The following NHEJ1 variants were observed in gnomAD, a reference collection of about 807,000 sequenced individuals.
NHEJ1 encodes the protein non-homologous end-joining factor 1.
In NHEJ1, 22 loss-of-function variants were observed where a neutral mutation model predicts 39.4. The ratio of observed to expected loss-of-function variants is 0.56; its 90% CI spans 0.40 to 0.80. The LOEUF is 0.80. Among genes scored for constraint, NHEJ1 ranks in the 30% least tolerant of loss-of-function variants. The pLI, the probability that NHEJ1 is intolerant of heterozygous loss-of-function variation, is 0.00. For missense variants in NHEJ1, 329 were observed against 357.1 expected (o/e 0.92, Z 0.63); for synonymous variants, 154 against 135.6 (o/e 1.14, Z -0.94).
At chr2:219,127,890 AACC>A (rs144865778) in intron 5 of NHEJ1, among the ~76,000 whole-genome samples, 2,535 of 152,332 alleles carry the variant, frequency 0.017, 72 homozygotes, top group African/African-American at 0.058. Flanking sequence ...AGAATCAAAG[AACC>A]TTGGCACTGG....
At chr2:219,151,603 C>T (rs539291125) in intron 3 of NHEJ1, among the ~76,000 whole-genome samples, 1 of 152,212 alleles carries the variant, frequency 6.6e-6, no homozygotes, top group East Asian at 1.9e-4. Flanking sequence ...GTTAGATGAA[C>T]ACCAAAATGA....
intron 3 of NHEJ1, among the ~76,000 whole-genome samples, chr2:219,154,320 T>C (rs1949827911): frequency 6.6e-6 from 1 of 152,192 alleles, no homozygotes; most frequent in Non-Finnish European, 1.5e-5. Context: ...ATATACAGTA[T>C]ATACATATAT....
chr2:219,125,801 C>T (rs1949509713), intron 5 of NHEJ1: 1 of 152,272 alleles, frequency 6.6e-6, no homozygotes, highest in African/African-American at 2.4e-5. Context: ...CAGCCCCCAA[C>T]AGCTAAAGGA....
chr2:219,094,480 G>A (rs914058880), intron 5 of NHEJ1, among the ~76,000 whole-genome samples: 2 of 152,100 alleles, frequency 1.3e-5, no homozygotes, highest in Non-Finnish European at 2.9e-5. Context: ...GATATGATCA[G>A]GCTTGAGGCT....
intron 3 of NHEJ1, among the ~76,000 whole-genome samples, chr2:219,148,294 C>T (rs1949761868): frequency 6.6e-6 from 1 of 152,128 alleles, no homozygotes. Context: ...TGGCTCATGC[C>T]TGTAATCCCA....
In NHEJ1 at chr2:219,159,566, T is replaced by TATGC. The variant is rs1949902383; in HGVS notation, c.-1+1153_-1+1154insGCAT. On this transcript the variant is annotated intron_variant, in intron 1 of 7. Transcript: ENST00000356853. ...ATATATATATGCATATATATATGCA[T>TATGC]ATATATATGCATATATATATGCATA... is the stretch of plus-strand genomic sequence containing the variant. Among the ~76,000 whole-genome samples the TATGC allele has an allele frequency of 1.2e-3, 21 of 17,682 alleles. 1 individual carries two copies. Among genetic ancestry groups the TATGC allele is most frequent in the South Asian group, 8.6e-3 (3 of 348 alleles). The allele number at this position is 17,682 out of a possible 152,430, so 11.6% of individuals were successfully genotyped here.
intron 5 of NHEJ1, among the ~76,000 whole-genome samples, chr2:219,124,232 G>T (rs1409512404): frequency 1.3e-5 from 2 of 152,286 alleles, no homozygotes; most frequent in African/African-American, 4.8e-5. Context: ...GAGGAATAAA[G>T]AATTGATATC....
intron 5 of NHEJ1, among the ~76,000 whole-genome samples, chr2:219,117,255 T>C (rs1302328522): frequency 3.9e-5 from 6 of 152,042 alleles, no homozygotes; most frequent in African/African-American, 1.2e-4. Context: ...CCTTCCACCA[T>C]CATGGAAATC....
chr2:219,160,511 T>C (rs1949922995), intron 1 of NHEJ1: 1 of 152,108 alleles, frequency 6.6e-6, no homozygotes, highest in African/African-American at 2.4e-5. Context: ...AACGAGTACC[T>C]TCACTCGAGC....
At chr2:219,086,162 C>T (rs187044914) in intron 5 of NHEJ1, among the ~76,000 whole-genome samples, 5 of 152,232 alleles carry the variant, frequency 3.3e-5, no homozygotes, top group African/African-American at 4.8e-5. Flanking sequence ...CCACTGTTAC[C>T]CTATCAGTTG....
At chr2:219,159,556 T>C (rs1411526091) in intron 1 of NHEJ1, among the ~76,000 whole-genome samples, 1 of 16,540 alleles carries the variant, frequency 6.0e-5, no homozygotes, top group Non-Finnish European at 2.4e-4. Context: ...TATATGCATA[T>C]ATATATGCAT....
At chr2:219,112,661 G>A (rs1273722318) in intron 5 of NHEJ1, among the ~76,000 whole-genome samples, 1 of 152,160 alleles carries the variant, frequency 6.6e-6, no homozygotes, top group Non-Finnish European at 1.5e-5. Context: ...TATGAAGGAG[G>A]AGAAAGGACT....
At chr2:219,156,464 AC>A (rs1239932467) in intron 3 of NHEJ1, among the ~76,000 whole-genome samples, 1 of 152,218 alleles carries the variant, frequency 6.6e-6, no homozygotes, top group Admixed American at 6.5e-5. Context: ...AGTGCTACTG[AC>A]TAAAACTGTG....
intron 5 of NHEJ1, among the ~76,000 whole-genome samples, chr2:219,120,649 C>T (rs1247222489): frequency 2.0e-5 from 3 of 152,124 alleles, no homozygotes; most frequent in African/African-American, 7.2e-5. Flanking sequence ...GATATTTATT[C>T]AATACCTAGG....
Position 219,076,298 on chromosome 2 carries a change from A to G in NHEJ1, c.*83T>C. ...CTGACTGTATCACTATTTTAGAAATATTGCTGCCATGTAAGCTTCTTTCAA... is the reference window on the plus strand; with the variant it reads ...CTGACTGTATCACTATTTTAGAAATGTTGCTGCCATGTAAGCTTCTTTCAA... On this transcript the variant is annotated 3_prime_UTR_variant, in exon 8 of 8. Transcript: ENST00000356853. 6.2e-7 allele frequency: 1 copy of G among 1,612,532 alleles called. No homozygotes were observed. The highest frequency in any genetic ancestry group is 8.5e-7 in the Non-Finnish European group (1 of 1,179,328).
intron 3 of NHEJ1, among the ~76,000 whole-genome samples, chr2:219,152,749 G>A (rs1441157069): frequency 1.3e-5 from 2 of 150,464 alleles, no homozygotes; most frequent in African/African-American, 2.4e-5. Flanking sequence ...CTACAGGCAT[G>A]AGCCATCATC....
At chr2:219,143,993 G>A (rs1280451973) in intron 5 of NHEJ1, among the ~76,000 whole-genome samples, 2 of 152,142 alleles carry the variant, frequency 1.3e-5, no homozygotes, top group East Asian at 3.9e-4. Flanking sequence ...ATGAGGCCAG[G>A]CATTCAAAAC....
chr2:219,122,934 A>G (rs886720246), intron 5 of NHEJ1, among the ~76,000 whole-genome samples: 1 of 152,234 alleles, frequency 6.6e-6, no homozygotes, highest in Admixed American at 6.5e-5. Flanking sequence ...AGCGGAGGCC[A>G]GTTTGGAGCT....
rs779417554 is a variant in NHEJ1, at chr2:219,076,367, G to A, written c.*14C>T. On this transcript the variant is annotated 3_prime_UTR_variant, in exon 8 of 8. Transcript: ENST00000356853. ...TTCTCCAAGTCCATCCTCAGCAGCTGAGGCCACAACAGATTAACTGAAGAG... is the reference window on the plus strand; with the variant it reads ...TTCTCCAAGTCCATCCTCAGCAGCTAAGGCCACAACAGATTAACTGAAGAG... The A allele has an allele frequency of 3.1e-6, 5 of 1,614,016 alleles. No individual in the cohort carries two copies. The Middle Eastern group carries it at 5.0e-4, about 160-fold the overall frequency.
Sources: allele counts gnomAD v4.1 joint callset (sites outside exome capture counted in the v4.1 genomes callset), GRCh38; gene constraint gnomAD v4.1.1; transcripts MANE v1.5; gene names NCBI Gene and HGNC (gene_info 2026-07-23, HGNC 2026-07-21).